NCS1: variants seen among roughly 807,000 people sequenced by gnomAD.
NCS1 encodes the protein frequenin homolog.
A neutral mutation model predicts 28.4 loss-of-function variants in NCS1; 6 were observed. The ratio of observed to expected loss-of-function variants is 0.21; its 90% CI spans 0.12 to 0.42. The LOEUF (loss-of-function observed/expected upper bound fraction) is 0.42. Among genes scored for constraint, NCS1 ranks in the 10% least tolerant of loss-of-function variants. The pLI, the probability that NCS1 is intolerant of heterozygous loss-of-function variation, is 1.00. For synonymous variants in NCS1, 86 were observed against 99.3 expected (o/e 0.87, Z 0.79); for missense variants, 131 against 241.4 (o/e 0.54, Z 3.03).
chr9:130,231,386 T>C (rs1833499788), intron 7 of NCS1, among the ~76,000 whole-genome samples: 2 of 151,968 alleles, frequency 1.3e-5, no homozygotes, highest in Admixed American at 6.6e-5. Flanking sequence ...TTATTTTTTA[T>C]GTATTTATTT....
intron 1 of NCS1, among the ~76,000 whole-genome samples, chr9:130,184,466 T>G (rs1034831943): frequency 2.6e-5 from 4 of 152,106 alleles, no homozygotes; most frequent in Admixed American, 2.6e-4. Context: ...TGACAGGGCC[T>G]GGCACGGCTT....
intron 5 of NCS1, 98 bp downstream of exon 5, chr9:130,222,836 C>T: frequency 7.8e-7 from 1 of 1,288,732 alleles, no homozygotes; most frequent in Non-Finnish European, 1.1e-6. Context: ...TGCTCCTGCC[C>T]AGGGTGGAAG....
In NCS1 at chr9:130,177,732, C is replaced by G. The variant is rs1016561307; in HGVS notation, c.64+5005C>G. On this transcript the variant is annotated intron_variant, in intron 1 of 7. Transcript: ENST00000372398. This position sits in a 1 kb window ranked among gnomAD's most constrained non-coding sequence, Gnocchi z 4.4. ...CTTGGCCTCTCTGAGCACCAGCTTG[C>G]TCATCCTTCAGACCTGCCTTCCAAC... Among the ~76,000 whole-genome samples, 10 of 152,242 alleles carry G rather than the reference C, an allele frequency of 6.6e-5. No homozygotes were observed. Among genetic ancestry groups the G allele is most frequent in the Non-Finnish European group, 1.5e-4 (10 of 68,044 alleles).
At position 130,217,908 on chromosome 9, in the gene NCS1, T is replaced by G; in HGVS notation, c.166T>G (p.Phe56Val). 6.2e-7 allele frequency: 1 copy of G among 1,614,188 alleles called. No individual in the cohort carries two copies. The highest frequency in any genetic ancestry group is 8.5e-7 in the Non-Finnish European group (1 of 1,180,032). Residue 56 changes from phenylalanine (F) to valine (V), a missense_variant, in exon 3 of 8, where the codon TTC becomes GTC. Physicochemically the swap from Phe to Val is conservative, Grantham distance 50. This residue lies in a region of NCS1 where 100 missense variants were observed against 210.3 expected (regional missense o/e 0.48). Transcript: ENST00000372398. Reference sequence around the variant, plus strand: ...CTTCCAGAAGATCTACAAGCAATTCTTCCCGTTCGGAGACCCCACCAAGTT... The same window carrying G: ...CTTCCAGAAGATCTACAAGCAATTCGTCCCGTTCGGAGACCCCACCAAGTT... ...AGFQKIYKQF[F>V]PFGDPTKFAT...
intron 1 of NCS1, chr9:130,200,703 G>T (rs115473439): frequency 3.3e-6 from 5 of 1,522,010 alleles, no homozygotes; most frequent in Non-Finnish European, 4.5e-6. Flanking sequence ...TCCCAGCAGC[G>T]GCAGTGGCAG....
intron 2 of NCS1, among the ~76,000 whole-genome samples, chr9:130,206,028 G>C (rs1833020044): frequency 6.6e-6 from 1 of 152,068 alleles, no homozygotes; most frequent in East Asian, 1.9e-4. Flanking sequence ...ATTCTACAAT[G>C]GTCCCATCCC....
intron 4 of NCS1, among the ~76,000 whole-genome samples, chr9:130,220,183 G>T (rs1187635564): frequency 3.3e-5 from 5 of 152,178 alleles, no homozygotes; most frequent in South Asian, 2.1e-4. Context: ...AGGAGGGTCG[G>T]TGGGGACCCA....
intron 4 of NCS1, among the ~76,000 whole-genome samples, chr9:130,222,055 AC>A (rs1833332261): frequency 7.7e-6 from 1 of 129,392 alleles, no homozygotes; most frequent in Non-Finnish European, 1.6e-5. Context: ...AAATATATAT[AC>A]ATAAATATAA....
rs556467311 is a variant in NCS1 at position 130,200,845 on chromosome 9, G to A, written c.65-113G>A. On this transcript the variant is annotated intron_variant, in intron 1 of 7. Coordinates refer to ENST00000372398, the MANE Select transcript of NCS1 (RefSeq NM_014286.4). ...CATCCAGAGCAGGCCGTTGCCCGGG[G>A]ACATGGCCGTGGGGAGGGGAGGGCT... The A allele has an allele frequency of 2.1e-3, 3,161 of 1,506,684 alleles. 6 individuals are homozygous for A. The highest frequency in any genetic ancestry group is 2.7e-3 in the Non-Finnish European group (2,938 of 1,082,542). The allele number at this position is 1,506,684 out of a possible 1,614,324, so 93.3% of individuals were successfully genotyped here. A position where few individuals can be genotyped will look rare whatever the true frequency, so the allele number is the denominator to read the frequency against.
At chr9:130,221,447 G>GAGAGAGAA (rs1833300879) in intron 4 of NCS1, among the ~76,000 whole-genome samples, 3 of 140,402 alleles carry the variant, frequency 2.1e-5, no homozygotes, top group Admixed American at 7.4e-5. Flanking sequence ...GAGAGAGAGA[G>GAGAGAGAA]AGAGAAAGAG....
chr9:130,200,880 GC>G, intron 1 of NCS1, 77 bp from the exon 2 acceptor site: 1 of 1,566,718 alleles, frequency 6.4e-7, no homozygotes, highest in Non-Finnish European at 8.8e-7. Flanking sequence ...TGGAGGGGAG[GC>G]CCCCCAGCGA....
At chr9:130,188,492 G>A (rs1320469391) in intron 1 of NCS1, among the ~76,000 whole-genome samples, 3 of 150,014 alleles carry the variant, frequency 2.0e-5, no homozygotes, top group African/African-American at 7.4e-5. Flanking sequence ...GCTCGATCTC[G>A]GCGGAGCCTC....
At chr9:130,203,048 G>A (rs1588116445) in intron 2 of NCS1, among the ~76,000 whole-genome samples, 1 of 22,910 alleles carries the variant, frequency 4.4e-5, no homozygotes, top group Non-Finnish European at 9.7e-5. Flanking sequence ...GGGTAAATAT[G>A]TGTGTGTGTG....
At chr9:130,174,918 T>C (rs1247828448) in intron 1 of NCS1, among the ~76,000 whole-genome samples, 6 of 152,054 alleles carry the variant, frequency 3.9e-5, no homozygotes, top group African/African-American at 1.2e-4. Flanking sequence ...CGGGCAGATC[T>C]GTCAACTTTA....
rs1430733324 is a variant in NCS1, at chr9:130,232,180, CA to C, written c.*18-808del. Among the ~76,000 whole-genome samples, 2 of 152,166 alleles carry C rather than the reference CA, an allele frequency of 1.3e-5. No homozygotes were observed. Among genetic ancestry groups the C allele is most frequent in the Non-Finnish European group, 2.9e-5 (2 of 68,036 alleles). On this transcript the variant is annotated intron_variant, in intron 7 of 7. Transcript: ENST00000372398. The surrounding 1 kb of genome is among the most constrained non-coding windows in gnomAD (Gnocchi z 4.4). Reference sequence around the variant, plus strand: ...CAAGCTGGTCTTGAACTCCTGGCCTCAAGCGATCCTCCTGCCTTGGCCTCCC... The same window carrying C: ...CAAGCTGGTCTTGAACTCCTGGCCTCAGCGATCCTCCTGCCTTGGCCTCCC...
chr9:130,221,440 AG>A (rs1554910434), intron 4 of NCS1, among the ~76,000 whole-genome samples: 2 of 142,852 alleles, frequency 1.4e-5, no homozygotes, highest in South Asian at 4.3e-4. Flanking sequence ...AGAGAGAGAG[AG>A]AGAGAGAGAG....
Position 130,175,192 on chromosome 9 carries a change from T to C in NCS1, c.64+2465T>C, listed in dbSNP as rs1460781498. 6.6e-5 allele frequency among the ~76,000 whole-genome samples: 10 copies of C among 151,976 alleles called. No homozygotes were observed. Among genetic ancestry groups the C allele is most frequent in the Non-Finnish European group, 1.3e-4 (9 of 67,986 alleles). On this transcript the variant is annotated intron_variant, in intron 1 of 7. Transcript: ENST00000372398. The surrounding 1 kb of genome is among the most constrained non-coding windows in gnomAD (Gnocchi z 4.9). Reference sequence around the variant, plus strand: ...GGAGCTCACAGCTGTGTTCCCCCCATGTGTTGGCCTTTAGTAGGTTCACAG... The same window carrying C: ...GGAGCTCACAGCTGTGTTCCCCCCACGTGTTGGCCTTTAGTAGGTTCACAG...
chr9:130,221,653 A>G lies in NCS1; in HGVS notation c.308-997A>G, dbSNP rs1335978012. Among the ~76,000 whole-genome samples, 4 of 145,468 alleles carry G rather than the reference A, an allele frequency of 2.7e-5. No individual in the cohort carries two copies. The East Asian group carries it at 8.0e-4, about 29-fold the overall frequency. ...CATCCTGTTGGCCAGGCTGTTCTCCAACTCCTGACCTCAGGTGATCTGCCC... is the reference window on the plus strand; with the variant it reads ...CATCCTGTTGGCCAGGCTGTTCTCCGACTCCTGACCTCAGGTGATCTGCCC... On this transcript the variant is annotated intron_variant, in intron 4 of 7. Transcript: ENST00000372398.
chr9:130,222,046 AAT>A (rs36031244), intron 4 of NCS1, among the ~76,000 whole-genome samples: 45,371 of 51,226 alleles, frequency 0.89, 20,154 homozygotes, highest in East Asian at 0.96. Flanking sequence ...TGTATCTATA[AAT>A]ATATATACAT....
Sources: gnomAD v4.1 joint callset for allele counts (sites outside exome capture counted in the v4.1 genomes callset) on GRCh38, gnomAD v4.1.1 for gene constraint, gnomAD v4.1.1 regional missense constraint, Gnocchi (gnomAD v3.1) non-coding constraint, MANE v1.5 for transcripts, NCBI Gene and HGNC (gene_info 2026-07-23, HGNC 2026-07-21) for gene names.